Variants in ATXN1 observed in about 807,000 individuals in gnomAD.
The protein encoded by ATXN1 is ataxin-1.
ATXN1 carries 8 observed loss-of-function variants against 56.4 expected under a neutral mutation model. That is an observed-to-expected ratio of 0.14 (90% CI 0.08 to 0.26). The LOEUF is 0.26. Ranked by LOEUF, ATXN1 falls within the 10% of genes least tolerant of loss-of-function variation. The probability of loss-of-function intolerance (pLI) is 1.00; values close to 1 mark genes in which losing one functional copy is unlikely to be tolerated. For missense variants in ATXN1, 987 were observed against 1,106.5 expected (o/e 0.89, Z 1.53); for synonymous variants, 514 against 494.6 (o/e 1.04, Z -0.52).
chr6:16,647,748 CA>C (rs1325747773), intron 3 of ATXN1, among the ~76,000 whole-genome samples: 1 of 152,200 alleles, frequency 6.6e-6, no homozygotes, highest in Non-Finnish European at 1.5e-5. Flanking sequence ...GTGTTGTACA[CA>C]AATTTTGTCA....
chr6:16,690,694 T>C (rs1474152655), intron 2 of ATXN1, among the ~76,000 whole-genome samples: 1 of 152,136 alleles, frequency 6.6e-6, no homozygotes, highest in African/African-American at 2.4e-5. Flanking sequence ...TAGAAAACCA[T>C]GCTATTTCGA....
At chr6:16,490,526 T>G (rs1298904645) in intron 5 of ATXN1, among the ~76,000 whole-genome samples, 2 of 152,202 alleles carry the variant, frequency 1.3e-5, no homozygotes, top group Non-Finnish European at 1.5e-5. Flanking sequence ...TAACCTTCCT[T>G]CTCCTCCAAA....
chr6:16,703,284 G>T (rs187335462), intron 2 of ATXN1, among the ~76,000 whole-genome samples: 1 of 152,098 alleles, frequency 6.6e-6, no homozygotes. Context: ...TGAACAATGA[G>T]AACACTTGGG....
chr6:16,565,593 G>T (rs749157742), intron 4 of ATXN1, among the ~76,000 whole-genome samples: 19 of 152,218 alleles, frequency 1.2e-4, no homozygotes, highest in Non-Finnish European at 2.4e-4. Context: ...ATTTCCACAT[G>T]AACCAGAAGG....
intron 2 of ATXN1, among the ~76,000 whole-genome samples, chr6:16,673,700 G>A (rs965833800): frequency 6.6e-6 from 1 of 152,092 alleles, no homozygotes; most frequent in Non-Finnish European, 1.5e-5. Context: ...TGCCCAGGCT[G>A]GAGTGTAGTG....
At chr6:16,375,698 A>G (rs933199509) in intron 6 of ATXN1, among the ~76,000 whole-genome samples, 3 of 151,862 alleles carry the variant, frequency 2.0e-5, no homozygotes, top group Non-Finnish European at 2.9e-5. Context: ...TTGCCTTCCT[A>G]TGATACTAAT....
intron 6 of ATXN1, among the ~76,000 whole-genome samples, chr6:16,374,216 T>TA (rs1010661592): frequency 1.3e-4 from 19 of 143,422 alleles, no homozygotes; most frequent in African/African-American, 4.6e-4. Flanking sequence ...AGCCCACACA[T>TA]AAAAAAATTA....
At chr6:16,499,553 T>G (rs1418986594) in intron 5 of ATXN1, among the ~76,000 whole-genome samples, 1 of 152,176 alleles carries the variant, frequency 6.6e-6, no homozygotes, top group Non-Finnish European at 1.5e-5. Flanking sequence ...AGCTTGAAAT[T>G]GCTGACTTTG....
intron 3 of ATXN1, among the ~76,000 whole-genome samples, chr6:16,651,529 G>C (rs1162044279): frequency 1.5e-5 from 2 of 130,478 alleles, no homozygotes; most frequent in Non-Finnish European, 3.2e-5. Context: ...GGGTGACAGA[G>C]AGAGACTCTG....
chr6:16,656,111 T>G (rs1041843063), intron 3 of ATXN1, among the ~76,000 whole-genome samples: 2 of 150,778 alleles, frequency 1.3e-5, no homozygotes, highest in Non-Finnish European at 3.0e-5. Context: ...AACAAAAAAA[T>G]TATTTACTGC....
intron 3 of ATXN1, among the ~76,000 whole-genome samples, chr6:16,617,498 AAAAC>A (rs1407566030): frequency 1.3e-5 from 2 of 152,134 alleles, no homozygotes; most frequent in Admixed American, 6.5e-5. Context: ...AAATAGAAAA[AAAAC>A]AAATATCAAG....
At chr6:16,575,071 C>A (rs1192195152) in intron 4 of ATXN1, among the ~76,000 whole-genome samples, 1 of 152,068 alleles carries the variant, frequency 6.6e-6, no homozygotes, top group African/African-American at 2.4e-5. Flanking sequence ...CTCAGTGGGA[C>A]ACACGATGTC....
At chr6:16,404,650 C>G (rs1346690850) in intron 6 of ATXN1, among the ~76,000 whole-genome samples, 1 of 151,820 alleles carries the variant, frequency 6.6e-6, no homozygotes, top group East Asian at 1.9e-4. Context: ...TCAAGCTGTC[C>G]CCAGCCCCCA....
chr6:16,452,062 C>G (rs1221995334), intron 6 of ATXN1, among the ~76,000 whole-genome samples: 1 of 152,122 alleles, frequency 6.6e-6, no homozygotes, highest in South Asian at 2.1e-4. Context: ...CTATAACACA[C>G]GAGGTTGTAA....
intron 4 of ATXN1, among the ~76,000 whole-genome samples, chr6:16,575,193 T>A (rs892928910): frequency 6.6e-6 from 1 of 152,042 alleles, no homozygotes. Context: ...ATGTTTGGGG[T>A]AGGGATATTT....
At chr6:16,663,837 T>A (rs1044428587) in intron 2 of ATXN1, among the ~76,000 whole-genome samples, 1 of 152,130 alleles carries the variant, frequency 6.6e-6, no homozygotes, top group Non-Finnish European at 1.5e-5. Flanking sequence ...GCCAGGAACA[T>A]GTTTTTGATC....
At chr6:16,419,028 G>A (rs569088134) in intron 6 of ATXN1, among the ~76,000 whole-genome samples, 1 of 152,112 alleles carries the variant, frequency 6.6e-6, no homozygotes, top group South Asian at 2.1e-4. Flanking sequence ...TACAAGTAAG[G>A]TAACCACCCA....
intron 4 of ATXN1, among the ~76,000 whole-genome samples, chr6:16,572,082 G>A (rs1442423992): frequency 6.6e-6 from 1 of 152,142 alleles, no homozygotes; most frequent in African/African-American, 2.4e-5. Context: ...GCATCATAAA[G>A]GTATTTGAAG....
intron 3 of ATXN1, among the ~76,000 whole-genome samples, chr6:16,652,274 G>A (rs1763908470): frequency 6.6e-6 from 1 of 152,158 alleles, no homozygotes; most frequent in South Asian, 2.1e-4. Flanking sequence ...TCTTTAGTGG[G>A]GGTACTGGAC....
Sources: gnomAD v4.1 joint callset for allele counts (sites outside exome capture counted in the v4.1 genomes callset) on GRCh38, gnomAD v4.1.1 for gene constraint, MANE v1.5 for transcripts, NCBI Gene and HGNC (gene_info 2026-07-23, HGNC 2026-07-21) for gene names.